The following NUMB variants were observed in gnomAD, a reference collection of about 807,000 sequenced individuals.
The protein encoded by NUMB is NUMB endocytic adaptor protein, also known as protein numb homolog.
A neutral mutation model predicts 59.7 loss-of-function variants in NUMB; 29 were observed. That is an observed-to-expected ratio of 0.49 (90% confidence interval 0.36 to 0.66). NUMB has a LOEUF of 0.66. Ranked by LOEUF, NUMB falls within the 30% of genes least tolerant of loss-of-function variation. The probability of loss-of-function intolerance (pLI) is 0.00; values close to 1 mark genes in which losing one functional copy is unlikely to be tolerated. For synonymous variants in NUMB, 288 were observed against 288.2 expected, an observed-to-expected ratio of 1.00 and a Z score of 0.01; for missense variants, 723 against 822.0, an observed-to-expected ratio of 0.88 and a Z score of 1.47.
intron 1 of NUMB, among the ~76,000 whole-genome samples, chr14:73,445,825 T>C (rs539364077): frequency 3.3e-5 from 5 of 152,148 alleles, no homozygotes; most frequent in Non-Finnish European, 7.3e-5. Flanking sequence ...CATTTTACCA[T>C]ACCACCTCCT....
chr14:73,443,736 T>C (rs1435112433), intron 1 of NUMB, among the ~76,000 whole-genome samples: 2 of 150,256 alleles, frequency 1.3e-5, no homozygotes, highest in African/African-American at 2.4e-5. Flanking sequence ...CTGCAACCAC[T>C]ACCTACCGGG....
chr14:73,326,389 G>A (rs1891663477), intron 4 of NUMB, among the ~76,000 whole-genome samples: 1 of 152,198 alleles, frequency 6.6e-6, no homozygotes, highest in African/African-American at 2.4e-5. Flanking sequence ...CACTTTGGGA[G>A]GCCGAGGTGG....
chr14:73,400,792 A>G (rs1021130671), intron 2 of NUMB, among the ~76,000 whole-genome samples: 1 of 152,212 alleles, frequency 6.6e-6, no homozygotes, highest in African/African-American at 2.4e-5. Context: ...ATAGATGAAC[A>G]CTTGGAGGTT....
intron 4 of NUMB, among the ~76,000 whole-genome samples, chr14:73,345,219 C>T (rs1442174900): frequency 1.3e-5 from 2 of 152,182 alleles, no homozygotes; most frequent in African/African-American, 4.8e-5. Flanking sequence ...AGCTGGAAGT[C>T]ATTATCCTAG....
intron 4 of NUMB, among the ~76,000 whole-genome samples, chr14:73,330,485 T>C (rs1891904656): frequency 6.6e-6 from 1 of 152,226 alleles, no homozygotes; most frequent in African/African-American, 2.4e-5. Context: ...GATCAAATCC[T>C]TGATTTGCAG....
chr14:73,301,792 CAT>C (rs72153919), intron 6 of NUMB, among the ~76,000 whole-genome samples: 11,447 of 152,094 alleles, frequency 0.075, 1,030 homozygotes, highest in African/African-American at 0.21. Flanking sequence ...GTTATAAAAA[CAT>C]GTGTGGCCGG....
chr14:73,316,344 G>A, intron 6 of NUMB, 46 bp downstream of exon 6: 1 of 1,545,220 alleles, frequency 6.5e-7, no homozygotes, highest in South Asian at 1.1e-5. Flanking sequence ...CTACACTAGG[G>A]GTGTAACTCC....
At chr14:73,402,841 A>G (rs2140119928) in intron 2 of NUMB, among the ~76,000 whole-genome samples, 1 of 152,366 alleles carries the variant, frequency 6.6e-6, no homozygotes, top group South Asian at 2.1e-4. Context: ...TACTATTTTT[A>G]GTCCTTTGGT....
At chr14:73,381,313 G>T (rs1385827607) in intron 2 of NUMB, among the ~76,000 whole-genome samples, 1 of 151,526 alleles carries the variant, frequency 6.6e-6, no homozygotes, top group East Asian at 1.9e-4. Context: ...TGAAGAGAAG[G>T]TATATTAGAG....
intron 4 of NUMB, among the ~76,000 whole-genome samples, chr14:73,346,377 G>A (rs769263631): frequency 1.3e-5 from 2 of 151,888 alleles, no homozygotes; most frequent in Non-Finnish European, 2.9e-5. Flanking sequence ...CTACTCGGGA[G>A]GCTGAGGCAG....
intron 2 of NUMB, among the ~76,000 whole-genome samples, chr14:73,389,524 G>A (rs1451835392): frequency 6.6e-6 from 1 of 151,874 alleles, no homozygotes; most frequent in Non-Finnish European, 1.5e-5. Context: ...GGGTTTCACT[G>A]TGTTAGCCAG....
intron 2 of NUMB, 144 bp from the exon 3 acceptor site, chr14:73,367,125 G>GAT (rs1894378985): frequency 6.6e-6 from 1 of 151,672 alleles, no homozygotes; most frequent in African/African-American, 2.4e-5. Context: ...TTATTATAAT[G>GAT]ATATACTGAA....
chr14:73,321,910 G>C (rs978450926), intron 5 of NUMB, among the ~76,000 whole-genome samples: 7 of 152,030 alleles, frequency 4.6e-5, no homozygotes, highest in Non-Finnish European at 1.0e-4. Context: ...TCCCTTCTAT[G>C]ACAGATTCAG....
At chr14:73,455,506 GA>G (rs1226024156) in intron 1 of NUMB, among the ~76,000 whole-genome samples, 1 of 152,182 alleles carries the variant, frequency 6.6e-6, no homozygotes, top group African/African-American at 2.4e-5. Flanking sequence ...TCTCAAGGGA[GA>G]AAACCATTAA....
intron 3 of NUMB, among the ~76,000 whole-genome samples, chr14:73,364,425 A>G (rs1402342514): frequency 6.6e-6 from 1 of 152,022 alleles, no homozygotes; most frequent in Non-Finnish European, 1.5e-5. Flanking sequence ...GATCACTTGA[A>G]CCTGGGAAGC....
At chr14:73,369,552 A>C (rs539682245) in intron 2 of NUMB, among the ~76,000 whole-genome samples, 1 of 152,356 alleles carries the variant, frequency 6.6e-6, no homozygotes, top group Non-Finnish European at 1.5e-5. Context: ...TAAGGCAGTA[A>C]GACACAAAGG....
rs759047156 is a variant in NUMB at position 73,284,301 on chromosome 14, G to C, written c.729C>G (p.Thr243=). 11 of 1,614,164 alleles carry C rather than the reference G, an allele frequency of 6.8e-6. No homozygotes were observed. Among genetic ancestry groups the C allele is most frequent in the Non-Finnish European group, 8.5e-6 (10 of 1,180,010 alleles). Residue 243 remains threonine, a synonymous_variant, in exon 10 of 13, where the codon ACC becomes ACG. Transcript: ENST00000555238. The part of the protein sequence containing the change: ...GNTAPSPSSP[T]SPTSDATTSL... ...AGGTCGTGGCATCAGAAGTAGGAGA[G>C]GTGGGAGAGGATGGGGATGGGGCAG...
intron 5 of NUMB, among the ~76,000 whole-genome samples, chr14:73,316,943 G>A (rs891120172): frequency 6.6e-6 from 1 of 152,178 alleles, no homozygotes; most frequent in African/African-American, 2.4e-5. Context: ...AAAATTAAAT[G>A]AGTATGCATC....
intron 4 of NUMB, among the ~76,000 whole-genome samples, chr14:73,337,350 A>G (rs1394819848): frequency 6.6e-6 from 1 of 152,070 alleles, no homozygotes; most frequent in South Asian, 2.1e-4. Context: ...AAAAATACAA[A>G]ATTAGCTGGG....
Sources: gnomAD v4.1 joint callset for allele counts (sites outside exome capture counted in the v4.1 genomes callset) on GRCh38, gnomAD v4.1.1 for gene constraint, MANE v1.5 for transcripts, NCBI Gene and HGNC (gene_info 2026-07-23, HGNC 2026-07-21) for gene names.